Variants in JADE3 observed in about 807,000 individuals in gnomAD.
JADE3 encodes the protein jade family PHD finger 3.
Under a neutral mutation model 50.1 loss-of-function variants are expected in JADE3, and 2 were observed. The ratio of observed to expected loss-of-function variants is 0.04; its 90% CI spans 0.02 to 0.13. The LOEUF (loss-of-function observed/expected upper bound fraction) is 0.13. JADE3 is among the 10% of genes least tolerant of loss of function. The probability of loss-of-function intolerance (pLI) is 1.00; values close to 1 mark genes in which losing one functional copy is unlikely to be tolerated. For missense variants in JADE3, 475 were observed against 634.4 expected (o/e 0.75, Z 2.70); for synonymous variants, 218 against 232.9 (o/e 0.94, Z 0.58).
At chrX:47,048,782 A>G (rs1174579270) in intron 8 of JADE3, among the ~76,000 whole-genome samples, 2 of 111,775 alleles carry the variant, frequency 1.8e-5, no homozygotes, top group Non-Finnish European at 3.8e-5. Flanking sequence ...CTGTAAATAT[A>G]TTGAAAACCA....
chrX:47,022,428 CGTT>C (rs1270796496), intron 4 of JADE3, among the ~76,000 whole-genome samples: 1 of 111,768 alleles, frequency 8.9e-6, no homozygotes, highest in Admixed American at 9.5e-5. Flanking sequence ...AAATGTGTGT[CGTT>C]GTTATTAGCT....
chrX:46,928,260 A>G (rs1216024547), intron 1 of JADE3, among the ~76,000 whole-genome samples: 2 of 111,916 alleles, frequency 1.8e-5, no homozygotes, highest in African/African-American at 6.5e-5. Context: ...AAATTCCTGT[A>G]AATTCTATCT....
At position 46,984,901 on chromosome X, in the gene JADE3, C is replaced by T. The variant is rs2147131200; in HGVS notation, c.7C>T (p.Arg3Cys). 6.6e-6 allele frequency: 8 copies of T among 1,208,730 alleles called. No homozygotes were observed. The highest frequency in any genetic ancestry group is 9.0e-6 in the Non-Finnish European group (8 of 893,018). MK[R>C]HRPVSSSDSS... ...TTTCCCAGGATGCTCCAGGATGAAA[C>T]GCCATAGGCCTGTCAGCAGCAGTGA... is the stretch of plus-strand genomic sequence containing the variant. The change falls in exon 2 of 11, where the codon CGC (arginine) becomes TGC (cysteine). Residue 3 changes from arginine (R) to cysteine (C), a missense_variant. Transcript: ENST00000614628.
intron 1 of JADE3, among the ~76,000 whole-genome samples, chrX:46,923,261 C>T (rs1279612116): frequency 1.8e-5 from 2 of 108,651 alleles, no homozygotes; most frequent in African/African-American, 3.3e-5. Flanking sequence ...GTGATCTGCC[C>T]GCCTTGACCT....
chrX:46,949,756 T>C (rs1170006654), intron 1 of JADE3, among the ~76,000 whole-genome samples: 1 of 111,934 alleles, frequency 8.9e-6, no homozygotes, highest in Non-Finnish European at 1.9e-5. Context: ...TAGCTACTCC[T>C]ATTCTGATTT....
chrX:46,980,640 C>T (rs1319628162), intron 1 of JADE3, among the ~76,000 whole-genome samples: 2 of 111,502 alleles, frequency 1.8e-5, no homozygotes, highest in Non-Finnish European at 3.8e-5. Context: ...CTTTGCCAAT[C>T]ATGCTTTAGG....
At chrX:46,961,072 AT>A (rs1927248002) in intron 1 of JADE3, among the ~76,000 whole-genome samples, 1 of 112,137 alleles carries the variant, frequency 8.9e-6, no homozygotes. Flanking sequence ...AAGCAGGAAA[AT>A]TTGTGAGGGG....
At chrX:46,932,332 G>C (rs1193894640) in intron 1 of JADE3, among the ~76,000 whole-genome samples, 2 of 111,756 alleles carry the variant, frequency 1.8e-5, no homozygotes, top group Non-Finnish European at 3.8e-5. Flanking sequence ...ATTTTTGCCT[G>C]GTAGAGATGT....
At chrX:46,942,418 G>A (rs1478695144) in intron 1 of JADE3, among the ~76,000 whole-genome samples, 2 of 111,530 alleles carry the variant, frequency 1.8e-5, no homozygotes, top group African/African-American at 3.3e-5. Context: ...CAGTTTCTTC[G>A]GCATATGGCT....
chrX:46,926,588 ACCACCACAAT>A (rs1569534096), intron 1 of JADE3, among the ~76,000 whole-genome samples: 2 of 111,933 alleles, frequency 1.8e-5, no homozygotes. Context: ...CAGTGCAACC[ACCACCACAAT>A]CCACCACAAT....
intron 1 of JADE3, among the ~76,000 whole-genome samples, chrX:46,916,203 T>C (rs964828335): frequency 8.0e-5 from 9 of 112,703 alleles, no homozygotes; most frequent in African/African-American, 2.9e-4. Flanking sequence ...CAAACTGTTA[T>C]AAGAATAGTA....
chrX:47,010,531 T>C (rs1490422393), intron 4 of JADE3, among the ~76,000 whole-genome samples: 1 of 112,449 alleles, frequency 8.9e-6, no homozygotes, highest in African/African-American at 3.2e-5. Context: ...AATTTTTAAA[T>C]CAAGATAGAA....
At chrX:46,973,345 A>G (rs1927540973) in intron 1 of JADE3, among the ~76,000 whole-genome samples, 1 of 112,296 alleles carries the variant, frequency 8.9e-6, no homozygotes, top group African/African-American at 3.2e-5. Context: ...CACAAGATTC[A>G]TGAGTCATAT....
intron 1 of JADE3, among the ~76,000 whole-genome samples, chrX:46,963,097 A>G (rs1203303623): frequency 1.8e-5 from 2 of 111,623 alleles, no homozygotes; most frequent in African/African-American, 6.5e-5. Context: ...TCGGCCTCCC[A>G]AAGTGCTGGG....
intron 1 of JADE3, among the ~76,000 whole-genome samples, chrX:46,952,734 A>G (rs1011527170): frequency 8.9e-6 from 1 of 112,229 alleles, no homozygotes; most frequent in African/African-American, 3.2e-5. Flanking sequence ...GCGGTGGCTC[A>G]CGCCTGTAAT....
intron 1 of JADE3, among the ~76,000 whole-genome samples, chrX:46,948,284 A>G (rs782428258): frequency 1.8e-5 from 2 of 112,096 alleles, no homozygotes; most frequent in South Asian, 7.5e-4. Context: ...GAGCACGCAA[A>G]GGAATGTCAC....
intron 4 of JADE3, among the ~76,000 whole-genome samples, chrX:47,010,652 G>A (rs1323154511): frequency 9.0e-6 from 1 of 111,082 alleles, no homozygotes; most frequent in Non-Finnish European, 1.9e-5. Flanking sequence ...TATCACCCTA[G>A]AAAGAAATCC....
Position 46,939,176 on chromosome X carries a change from A to AC in JADE3, c.-12+26462dup, listed in dbSNP as rs782097763. On this transcript the variant is annotated intron_variant, in intron 1 of 10. Transcript: ENST00000614628. ...AATCCACTGTCATTCTAAATGTTGT[A>AC]CCCCCATAAGGTAATGTAATAGCTG... Among the ~76,000 whole-genome samples the AC allele has an allele frequency of 1.3e-4, 15 of 111,586 alleles. 1 individual carries two copies. The East Asian group carries it at 3.9e-3, about 29-fold the overall frequency.
At chrX:46,967,351 T>A (rs782206071) in intron 1 of JADE3, among the ~76,000 whole-genome samples, 6 of 111,873 alleles carry the variant, frequency 5.4e-5, no homozygotes, top group Admixed American at 4.8e-4. Flanking sequence ...CAAAGAGTCT[T>A]TGTTTCAAAA....
Sources: gnomAD v4.1 joint callset for allele counts (sites outside exome capture counted in the v4.1 genomes callset) on GRCh38, gnomAD v4.1.1 for gene constraint, MANE v1.5 for transcripts, NCBI Gene and HGNC (gene_info 2026-07-23, HGNC 2026-07-21) for gene names.